Variants in PARD3B observed in about 807,000 individuals in gnomAD.
PARD3B encodes the protein par-3 family cell polarity regulator beta, also known as partitioning defective 3 homolog B.
PARD3B carries 103 observed loss-of-function variants against 130.2 expected under a neutral mutation model. The ratio of observed to expected loss-of-function variants is 0.79; its 90% CI spans 0.67 to 0.93. The LOEUF is 0.93. PARD3B is among the 40% of genes least tolerant of loss of function. The pLI is 0.00. For synonymous variants in PARD3B, 583 were observed against 553.2 expected, an observed-to-expected ratio of 1.05 and a Z score of -0.76; for missense variants, 1,609 against 1,499.2, an observed-to-expected ratio of 1.07 and a Z score of -1.21.
chr2:205,343,712 G>C (rs1024968245), intron 18 of PARD3B, among the ~76,000 whole-genome samples: 1 of 152,092 alleles, frequency 6.6e-6, no homozygotes, highest in Non-Finnish European at 1.5e-5. Context: ...GGAGAACAGC[G>C]TGCTTGTGTC....
intron 1 of PARD3B, among the ~76,000 whole-genome samples, chr2:204,652,084 C>A (rs113992066): frequency 0.019 from 2,858 of 152,192 alleles, 44 homozygotes; most frequent in Middle Eastern, 0.071. Flanking sequence ...CTCTGAAATG[C>A]TCTGGAGACA....
intron 1 of PARD3B, among the ~76,000 whole-genome samples, chr2:204,682,385 T>C (rs1161584840): frequency 6.6e-6 from 1 of 152,206 alleles, no homozygotes; most frequent in African/African-American, 2.4e-5. Flanking sequence ...TTAACTGTTT[T>C]ATGAGGCATT....
Position 204,996,602 on chromosome 2 carries a change from G to A in PARD3B, c.394+31279G>A, listed in dbSNP as rs1256238096. ...GGCAGGCCTCCTTGAGTTGTGGTGG[G>A]CTCCACCCAGTTCGAGCTTCCCGGC... On this transcript the variant is annotated intron_variant, in intron 3 of 22. Coordinates refer to ENST00000406610, the MANE Select transcript of PARD3B (RefSeq NM_001302769.2). Among the ~76,000 whole-genome samples the A allele has an allele frequency of 5.7e-3, 859 of 151,418 alleles. 10 individuals carry two copies. The highest frequency in any genetic ancestry group is 0.019 in the African/African-American group (779 of 41,306).
chr2:205,318,857 A>C (rs915284349), intron 18 of PARD3B, among the ~76,000 whole-genome samples: 2 of 152,118 alleles, frequency 1.3e-5, no homozygotes, highest in African/African-American at 4.8e-5. Flanking sequence ...GCCACACTTT[A>C]TGGAGAAGTC....
intron 3 of PARD3B, among the ~76,000 whole-genome samples, chr2:205,026,102 A>G (rs1225873760): frequency 6.6e-6 from 1 of 152,214 alleles, no homozygotes; most frequent in African/African-American, 2.4e-5. Flanking sequence ...AAACAAATGC[A>G]CAAGAGTCTC....
Position 205,019,182 on chromosome 2 carries a change from G to A in PARD3B, c.395-28399G>A, listed in dbSNP as rs541972061. Among the ~76,000 whole-genome samples the A allele has an allele frequency of 1.5e-4, 23 of 152,150 alleles. 1 individual carries two copies. In the South Asian group the frequency reaches 4.6e-3, roughly 30 times the overall value. On this transcript the variant is annotated intron_variant, in intron 3 of 22. Coordinates refer to ENST00000406610, the MANE Select transcript of PARD3B (RefSeq NM_001302769.2). ...TTAGGCCACCACTAATCTACTTTCT[G>A]TCTTGATAGATTTGCCTAATATGAA...
intron 2 of PARD3B, among the ~76,000 whole-genome samples, chr2:204,775,787 G>T (rs1245830712): frequency 1.3e-5 from 2 of 152,126 alleles, no homozygotes; most frequent in Admixed American, 6.6e-5. Flanking sequence ...CCCTCAATGT[G>T]TAGACTCTGT....
rs138057848 is a variant in PARD3B, at chr2:205,325,526, T to TAG, written c.2630+23825_2630+23826insAG. Among the ~76,000 whole-genome samples, 7 of 150,522 alleles carry TAG rather than the reference T, an allele frequency of 4.7e-5. No homozygotes were observed. The highest frequency in any genetic ancestry group is 2.1e-4 in the South Asian group (1 of 4,742). ...TTTACTAATATCATCTCATTGTTTA[T>TAG]TAGTAGTAGTAGTAGTAGTAGTCTC... On this transcript the variant is annotated intron_variant, in intron 18 of 22. Transcript: ENST00000406610. The surrounding 1 kb of genome is among the most constrained non-coding windows in gnomAD (Gnocchi z 4.1).
chr2:204,830,529 A>G (rs34919489), intron 2 of PARD3B, among the ~76,000 whole-genome samples: 1,665 of 152,338 alleles, frequency 0.011, 13 homozygotes, highest in Non-Finnish European at 0.016. Context: ...AGATTAATGT[A>G]TGGACACCTG....
At chr2:205,420,733 G>C (rs1034535665) in intron 19 of PARD3B, among the ~76,000 whole-genome samples, 27 of 152,280 alleles carry the variant, frequency 1.8e-4, no homozygotes, top group South Asian at 1.7e-3. Context: ...TTATTTTAAT[G>C]AACCAAGAGC....
intron 3 of PARD3B, among the ~76,000 whole-genome samples, chr2:204,982,078 A>G (rs1179764640): frequency 6.6e-6 from 1 of 152,176 alleles, no homozygotes; most frequent in Non-Finnish European, 1.5e-5. Flanking sequence ...ACTTCTGGTA[A>G]GTTGAGCCTG....
At chr2:205,370,118 G>A (rs766975253) in intron 18 of PARD3B, among the ~76,000 whole-genome samples, 3 of 152,150 alleles carry the variant, frequency 2.0e-5, no homozygotes, top group Non-Finnish European at 4.4e-5. Context: ...GGAGAAAAAG[G>A]CAGGAGTCAC....
intron 2 of PARD3B, among the ~76,000 whole-genome samples, chr2:204,713,153 C>T (rs145037155): frequency 2.8e-3 from 423 of 152,134 alleles, no homozygotes; most frequent in African/African-American, 9.4e-3. Flanking sequence ...TTCTTCAACA[C>T]GCATGTTTTG....
In PARD3B at chr2:204,675,601, C is replaced by G. The variant is rs2036499216; in HGVS notation, c.121-10580C>G. 6.6e-6 allele frequency among the ~76,000 whole-genome samples: 1 copy of G among 151,972 alleles called. No homozygotes were observed. The highest frequency in any genetic ancestry group is 6.6e-5 in the Admixed American group (1 of 15,256). On this transcript the variant is annotated intron_variant, in intron 1 of 22. Transcript: ENST00000406610. This position sits in a 1 kb window ranked among gnomAD's most constrained non-coding sequence, Gnocchi z 4.4. ...AGCTCTATCTAGATCTGGACCTTTT[C>G]TTCTCAAATAAATTTAGATTAATCC...
chr2:204,796,910 C>T (rs1449063230), intron 2 of PARD3B, among the ~76,000 whole-genome samples: 6 of 152,098 alleles, frequency 3.9e-5, no homozygotes, highest in African/African-American at 1.4e-4. Context: ...GAAGTTTATT[C>T]ATGCCTGTAA....
rs1465549128 is a variant in PARD3B, at chr2:204,677,098, G to A, written c.121-9083G>A. ...GTGGAAGGCTTTTAGTTGGATTGGAGATCTCCTATGGTCATTTAACTCTCT... is the reference window on the plus strand; with the variant it reads ...GTGGAAGGCTTTTAGTTGGATTGGAAATCTCCTATGGTCATTTAACTCTCT... On this transcript the variant is annotated intron_variant, in intron 1 of 22. Transcript: ENST00000406610. This position sits in a 1 kb window ranked among gnomAD's most constrained non-coding sequence, Gnocchi z 4.1. Among the ~76,000 whole-genome samples the A allele has an allele frequency of 3.3e-5, 5 of 152,136 alleles. No homozygotes were observed. Among genetic ancestry groups the A allele is most frequent in the Non-Finnish European group, 7.3e-5 (5 of 68,028 alleles).
intron 2 of PARD3B, among the ~76,000 whole-genome samples, chr2:204,747,613 T>C (rs1292045229): frequency 2.6e-5 from 4 of 152,076 alleles, no homozygotes; most frequent in African/African-American, 9.7e-5. Flanking sequence ...AGAGCCCACA[T>C]TGCGAAGGTG....
In PARD3B at chr2:205,421,066, G is replaced by A. The variant is rs1019257950; in HGVS notation, c.2742-19304G>A. Among the ~76,000 whole-genome samples, 2 of 152,026 alleles carry A rather than the reference G, an allele frequency of 1.3e-5. No individual in the cohort carries two copies. The highest frequency in any genetic ancestry group is 1.5e-5 in the Non-Finnish European group (1 of 68,024). On this transcript the variant is annotated intron_variant, in intron 19 of 22. Transcript: ENST00000406610. The surrounding 1 kb of genome is among the most constrained non-coding windows in gnomAD (Gnocchi z 5.1). ...CAAGGCAGGAGAATCACTTGAACCC[G>A]GAGGGAGTGAGCCAAGGTCATGCCA...
intron 1 of PARD3B, among the ~76,000 whole-genome samples, chr2:204,679,606 A>C (rs1218457299): frequency 6.6e-6 from 1 of 151,954 alleles, no homozygotes; most frequent in Non-Finnish European, 1.5e-5. Flanking sequence ...AATGTTTTGC[A>C]TATTTTCATT....
Sources: allele counts gnomAD v4.1 joint callset (sites outside exome capture counted in the v4.1 genomes callset), GRCh38; gene constraint gnomAD v4.1.1; non-coding constraint Gnocchi (gnomAD v3.1); transcripts MANE v1.5; gene names NCBI Gene and HGNC (gene_info 2026-07-23, HGNC 2026-07-21).